Variants in GYPC observed in about 807,000 individuals in gnomAD.
The protein encoded by GYPC is glycophorin C (Gerbich blood group).
GYPC carries 14 observed loss-of-function variants against 12.6 expected under a neutral mutation model. The observed-to-expected ratio is 1.11, with a 90% CI of 0.74 to 1.74. The LOEUF (loss-of-function observed/expected upper bound fraction) is 1.74. Ranked by LOEUF, GYPC falls within the 40% of genes most tolerant of loss-of-function variation. The pLI is 0.00. For synonymous variants in GYPC, 78 were observed against 62.1 expected, an observed-to-expected ratio of 1.26 and a Z score of -1.20; for missense variants, 225 against 172.1, an observed-to-expected ratio of 1.31 and a Z score of -1.72.
chr2:126,669,781 G>A lies in GYPC; in HGVS notation c.49+13469G>A, dbSNP rs193280753. 1.4e-4 allele frequency among the ~76,000 whole-genome samples: 21 copies of A among 152,078 alleles called. 1 individual carries two copies. Among genetic ancestry groups the A allele is most frequent in the African/African-American group, 4.6e-4 (19 of 41,526 alleles). On this transcript the variant is annotated intron_variant, in intron 1 of 3. Coordinates refer to ENST00000259254, the MANE Select transcript of GYPC (RefSeq NM_002101.5). ...AAGTTCCGATGAGCTAGTGTTTCCC[G>A]CTCATGGGCACTTCTGAGCCTTATT...
intron 1 of GYPC, among the ~76,000 whole-genome samples, chr2:126,685,278 C>T (rs914933867): frequency 1.3e-5 from 2 of 152,186 alleles, no homozygotes; most frequent in African/African-American, 2.4e-5. Flanking sequence ...TTACCATGTC[C>T]CCAAAGGTTA....
At chr2:126,684,680 G>A (rs1443241182) in intron 1 of GYPC, among the ~76,000 whole-genome samples, 1 of 152,196 alleles carries the variant, frequency 6.6e-6, no homozygotes, top group East Asian at 1.9e-4. Flanking sequence ...GGCCTTAACG[G>A]TGGAGCATAT....
At chr2:126,692,215 A>T (rs962355193) in intron 2 of GYPC, among the ~76,000 whole-genome samples, 1 of 152,058 alleles carries the variant, frequency 6.6e-6, no homozygotes. Flanking sequence ...CGAGACCCAG[A>T]TCCTGAGCCA....
chr2:126,696,176 C>A lies in GYPC; in HGVS notation c.*34C>A. On this transcript the variant is annotated 3_prime_UTR_variant, in exon 4 of 4. Coordinates refer to ENST00000259254, the MANE Select transcript of GYPC (RefSeq NM_002101.5). ...AGACTTCACTTCCCTGAATGCCTCC[C>A]CCATCTCCATCAGGAAAAATACACC... 3 of 1,497,074 alleles carry A rather than the reference C, an allele frequency of 2.0e-6. No individual in the cohort carries two copies. The highest frequency in any genetic ancestry group is 1.1e-5 in the South Asian group (1 of 88,418). 92.7% of individuals were successfully genotyped at this position (1,497,074 alleles called of 1,614,324 possible).
chr2:126,679,153 G>C (rs1335473478), intron 1 of GYPC, among the ~76,000 whole-genome samples: 1 of 152,222 alleles, frequency 6.6e-6, no homozygotes, highest in Non-Finnish European at 1.5e-5. Context: ...CGCAGCATCT[G>C]TCTGGGGAGC....
rs748881560 is a variant in GYPC at position 126,656,311 on chromosome 2, C to T, written c.48C>T (p.Leu16=). 12 of 1,580,114 alleles carry T rather than the reference C, an allele frequency of 7.6e-6. No homozygotes were observed. Among genetic ancestry groups the T allele is most frequent in the Admixed American group, 1.8e-5 (1 of 56,310 alleles). The change falls in exon 1 of 4, where the codon CTC becomes CTT. Residue 16 remains leucine, a splice_region_variant and synonymous_variant. Coordinates refer to ENST00000259254, the MANE Select transcript of GYPC (RefSeq NM_002101.5). ...SPNSTAWPLS[L]EPDPGMASAS... ...ACAGCACGGCGTGGCCTCTCAGCCT[C>T]GGTGAGTACCCGCCGTGGGGAAGGG...
intron 1 of GYPC, among the ~76,000 whole-genome samples, chr2:126,672,682 C>A (rs1275699344): frequency 6.6e-6 from 1 of 152,150 alleles, no homozygotes; most frequent in East Asian, 1.9e-4. Flanking sequence ...CAGCAACCTT[C>A]TCCCCTCAGG....
chr2:126,671,688 C>T (rs750805677), intron 1 of GYPC, among the ~76,000 whole-genome samples: 7 of 152,208 alleles, frequency 4.6e-5, no homozygotes, highest in Non-Finnish European at 8.8e-5. Flanking sequence ...GGTCACTGAG[C>T]ACCAGCTGTG....
chr2:126,677,632 C>T (rs916565270), intron 1 of GYPC, among the ~76,000 whole-genome samples: 1 of 146,442 alleles, frequency 6.8e-6, no homozygotes, highest in Non-Finnish European at 1.5e-5. Flanking sequence ...GAATAGCTCC[C>T]ATGTGCCGGG....
At chr2:126,693,842 G>C in intron 2 of GYPC, 22 bp from the exon 3 acceptor site, 3 of 1,549,990 alleles carry the variant, frequency 1.9e-6, no homozygotes, top group Non-Finnish European at 2.7e-6. Context: ...TCTGACCTCA[G>C]ATTCTTGTCC....
intron 1 of GYPC, 94 bp downstream of exon 1, chr2:126,656,406 T>G: frequency 1.8e-6 from 2 of 1,111,312 alleles, no homozygotes; most frequent in Non-Finnish European, 2.6e-6. Context: ...GACGCCCTGG[T>G]GTCCCGGTCC....
At chr2:126,677,597 A>C (rs1035210212) in intron 1 of GYPC, among the ~76,000 whole-genome samples, 1 of 151,474 alleles carries the variant, frequency 6.6e-6, no homozygotes, top group Non-Finnish European at 1.5e-5. Flanking sequence ...GTGTATGTTC[A>C]TCCTTAAATA....
chr2:126,670,720 T>C (rs1222295520), intron 1 of GYPC, among the ~76,000 whole-genome samples: 1 of 152,056 alleles, frequency 6.6e-6, no homozygotes, highest in Non-Finnish European at 1.5e-5. Context: ...TCAGTAAATG[T>C]TAACCAGGGA....
At position 126,656,195 on chromosome 2, in the gene GYPC, C is replaced by A; in HGVS notation, c.-69C>A. ...GAGGGTCAGGAGCCCGGGAGCGCGA[C>A]CCTCCCCCGGCCCGGCCTGGCCCGG... is the stretch of plus-strand genomic sequence containing the variant. On this transcript the variant is annotated 5_prime_UTR_variant, in exon 1 of 4. Transcript: ENST00000259254. 1 of 1,541,290 alleles carries A rather than the reference C, an allele frequency of 6.5e-7. No individual in the cohort carries two copies. The highest frequency in any genetic ancestry group is 8.7e-7 in the Non-Finnish European group (1 of 1,143,314).
Position 126,690,304 on chromosome 2 carries a change from C to A in GYPC, c.99C>A (p.Thr33=). The A allele has an allele frequency of 1.2e-6, 2 of 1,609,800 alleles. No homozygotes were observed. Among genetic ancestry groups the A allele is most frequent in the Non-Finnish European group, 1.7e-6 (2 of 1,176,006 alleles). The change falls in exon 2 of 4, where the codon ACC becomes ACA. Residue 33 remains threonine (T), a synonymous_variant. Transcript: ENST00000259254. ...CCTCCACCACAATGCATACTACCAC[C>A]ATTGCAGGTGAGTTCTCATCACAGA... The part of the protein sequence containing the change: ...ASASTTMHTT[T]IAEPDPGMSG...
At chr2:126,689,030 C>A (rs1573576533) in intron 1 of GYPC, among the ~76,000 whole-genome samples, 1 of 152,206 alleles carries the variant, frequency 6.6e-6, no homozygotes, top group African/African-American at 2.4e-5. Context: ...TGCAGCAGCT[C>A]TAGGAAACAT....
chr2:126,676,130 T>C (rs879758035), intron 1 of GYPC, among the ~76,000 whole-genome samples: 3 of 152,226 alleles, frequency 2.0e-5, no homozygotes, highest in African/African-American at 4.8e-5. Flanking sequence ...AACTGCCTCA[T>C]GTCTTTTTGG....
At chr2:126,667,529 G>A (rs1321191719) in intron 1 of GYPC, among the ~76,000 whole-genome samples, 2 of 146,138 alleles carry the variant, frequency 1.4e-5, no homozygotes, top group African/African-American at 2.5e-5. Context: ...TTAGCCTCCC[G>A]AGTAGCTGGG....
rs28387103 is a variant in GYPC, at chr2:126,663,433, G to A, written c.49+7121G>A. ...TGGCCACGCACGCCAGCTGTGTGAT[G>A]GGGAGCAAGCCTCTTACCTTCCGGA... On this transcript the variant is annotated intron_variant, in intron 1 of 3. Transcript: ENST00000259254. 6.1e-3 allele frequency among the ~76,000 whole-genome samples: 925 copies of A among 152,310 alleles called. 10 individuals are homozygous for A. The highest frequency in any genetic ancestry group is 0.021 in the African/African-American group (867 of 41,566).
Sources: allele counts gnomAD v4.1 joint callset (sites outside exome capture counted in the v4.1 genomes callset), GRCh38; gene constraint gnomAD v4.1.1; transcripts MANE v1.5; gene names NCBI Gene and HGNC (gene_info 2026-07-23, HGNC 2026-07-21).